SYNE1: variants seen among roughly 807,000 people sequenced by gnomAD.
SYNE1 encodes nesprin-1.
In SYNE1, 616 loss-of-function variants were observed where a neutral mutation model predicts 1,111.0. That is an observed-to-expected ratio of 0.55 (90% CI 0.52 to 0.59). The LOEUF is 0.59. SYNE1 is among the 20% of genes least tolerant of loss of function. SYNE1 has a pLI of 0.00. For synonymous variants in SYNE1, 3,855 were observed against 3,825.8 expected (o/e 1.01, Z -0.28); for missense variants, 10,006 against 10,417.0 (o/e 0.96, Z 1.72).
Position 152,391,381 on chromosome 6 carries a change from G to T in SYNE1, c.7900C>A (p.Gln2634Lys). Residue 2634 changes from glutamine to lysine, a missense_variant, in exon 52 of 146, where the codon CAA (glutamine) becomes AAA (lysine). Physicochemically the swap from Gln to Lys is moderately conservative, Grantham distance 53. Coordinates refer to ENST00000367255, the MANE Select transcript of SYNE1 (RefSeq NM_182961.4). ...GCCTTCACCCAGAACCACATGCTTT[G>T]CAGTGCTTCCTCCAGGGCTTCGTGC... ...QEHEALEEAL[Q>K]SMWFWVKAIQ... The T allele has an allele frequency of 6.2e-7, 1 of 1,613,994 alleles. No individual in the cohort carries two copies. Among genetic ancestry groups the T allele is most frequent in the Non-Finnish European group, 8.5e-7 (1 of 1,179,994 alleles).
Position 152,381,267 on chromosome 6 carries a change from A to T in SYNE1, c.8748T>A (p.Cys2916Ter). The T allele has an allele frequency of 6.2e-7, 1 of 1,614,204 alleles. No homozygotes were observed. The stretch of plus-strand genomic sequence containing the variant: ...CCTGCATCTCCGTGTGCATGAGCTC[A>T]CACCCACTGGCAGTTGTGTTCTGTT... ...EVKQNTTASG[C>*]ELMHTEMQAL... The change falls in exon 56 of 146, where the codon TGT becomes TGA. Residue 2916 changes from cysteine (C) to a stop codon, truncating the protein, a stop_gained. Coordinates refer to ENST00000367255, the MANE Select transcript of SYNE1 (RefSeq NM_182961.4). LOFTEE classifies it high-confidence loss of function.
Position 152,396,922 on chromosome 6 carries a change from CCTT to C in SYNE1, c.7406_7408del (p.Glu2469del). On this transcript the variant is annotated inframe_deletion, in exon 50 of 146. Coordinates refer to ENST00000367255, the MANE Select transcript of SYNE1 (RefSeq NM_182961.4). The stretch of plus-strand genomic sequence containing the variant: ...AGACAAATGTGCATACAAAGTTTGT[CCTT>C]CTTGAGTCACTGCATCAAGTTTGCT... 4.3e-6 allele frequency: 7 copies of C among 1,614,156 alleles called. No homozygotes were observed. The highest frequency in any genetic ancestry group is 5.1e-6 in the Non-Finnish European group (6 of 1,180,026).
chr6:152,158,606 AAT>A (rs573770651), intron 131 of SYNE1, among the ~76,000 whole-genome samples: 1 of 152,214 alleles, frequency 6.6e-6, no homozygotes, highest in Non-Finnish European at 1.5e-5. Context: ...TACATGAAAC[AAT>A]ATGTCACAGG....
intron 11 of SYNE1, among the ~76,000 whole-genome samples, chr6:152,491,997 G>A (rs1005412449): frequency 4.6e-5 from 7 of 151,840 alleles, no homozygotes; most frequent in East Asian, 1.9e-4. Flanking sequence ...CCTGCCCAAC[G>A]ATTTCCTCTT....
intron 73 of SYNE1, among the ~76,000 whole-genome samples, chr6:152,345,414 T>G (rs562066211): frequency 2.0e-5 from 3 of 152,294 alleles, no homozygotes; most frequent in South Asian, 2.1e-4. Flanking sequence ...ATTTATTAGA[T>G]TCTTGTAGTC....
intron 143 of SYNE1, among the ~76,000 whole-genome samples, 190 bp downstream of exon 143, chr6:152,133,086 C>T (rs1203280292): frequency 6.6e-6 from 1 of 152,138 alleles, no homozygotes; most frequent in Admixed American, 6.5e-5. Context: ...GAATCAAAAG[C>T]AGTGTCCTGT....
At chr6:152,511,678 G>A in intron 6 of SYNE1, 2 of 1,390,600 alleles carry the variant, frequency 1.4e-6, no homozygotes, top group South Asian at 1.2e-5. Context: ...GGAATAAAGA[G>A]GTAGGTAGTC....
chr6:152,205,805 A>G (rs2076397457), intron 126 of SYNE1, among the ~76,000 whole-genome samples: 1 of 152,196 alleles, frequency 6.6e-6, no homozygotes. Flanking sequence ...ACCAATCTTG[A>G]AAACCACTTT....
intron 16 of SYNE1, among the ~76,000 whole-genome samples, chr6:152,468,245 A>T (rs562344302): frequency 6.6e-6 from 1 of 152,316 alleles, no homozygotes; most frequent in African/African-American, 2.4e-5. Context: ...GATATTTAAA[A>T]TTAACATTGA....
chr6:152,187,970 C>G (rs2070737696), intron 128 of SYNE1, among the ~76,000 whole-genome samples: 1 of 152,204 alleles, frequency 6.6e-6, no homozygotes. Context: ...AGGTGATCCA[C>G]CCGCCTCAGC....
At position 152,450,640 on chromosome 6, in the gene SYNE1, T is replaced by C; in HGVS notation, c.3380A>G (p.Lys1127Arg). The C allele has an allele frequency of 6.2e-7, 1 of 1,614,194 alleles. No individual in the cohort carries two copies. Among genetic ancestry groups the C allele is most frequent in the African/African-American group, 1.3e-5 (1 of 75,066 alleles). The change falls in exon 27 of 146, where the codon AAG (lysine) becomes AGG (arginine). Residue 1127 changes from lysine to arginine, a missense_variant. Physicochemically the swap from Lys to Arg is conservative, Grantham distance 26. Transcript: ENST00000367255. ...RKLMEDPDKW[K>R]DYTSRFSEFS... The stretch of plus-strand genomic sequence containing the variant: ...CTGAGGCTACCTGCTAGTGTAGTCC[T>C]TCCACTTGTCTGGGTCTTCCATGAG...
At chr6:152,166,750 T>C (rs1415200357) in intron 130 of SYNE1, among the ~76,000 whole-genome samples, 2 of 152,220 alleles carry the variant, frequency 1.3e-5, no homozygotes, top group East Asian at 3.8e-4. Context: ...CAGTTCTTTT[T>C]CATTTTTTTA....
chr6:152,359,659 A>G (rs1446053073), intron 64 of SYNE1, among the ~76,000 whole-genome samples: 2 of 140,058 alleles, frequency 1.4e-5, no homozygotes, highest in Non-Finnish European at 3.1e-5. Context: ...TGTGTATTTT[A>G]TGTCTGGTCC....
At chr6:152,624,350 A>G (rs926004761) in intron 3 of SYNE1, among the ~76,000 whole-genome samples, 2 of 152,182 alleles carry the variant, frequency 1.3e-5, no homozygotes, top group Non-Finnish European at 1.5e-5. Flanking sequence ...TTCACATTTA[A>G]AATGTAGTTA....
rs2080170401 is a variant in SYNE1 at position 152,221,483 on chromosome 6, T to A, written c.21599A>T (p.Glu7200Val). The part of the protein sequence containing the change: ...FGSITNQLLK[E>V]CHPPVTETLT... ...AGTTTCTGTCACGGGTGGGTGACAC[T>A]CTTTTAATAATTGGTTGGTGATAGA... is the stretch of plus-strand genomic sequence containing the variant. Residue 7200 changes from glutamate to valine, a missense_variant, in exon 118 of 146, where the codon GAG becomes GTG. Glu to Val is a moderately radical substitution (Grantham distance 121, BLOSUM62 -2). Transcript: ENST00000367255. 1 of 1,613,894 alleles carries A rather than the reference T, an allele frequency of 6.2e-7. No individual in the cohort carries two copies. Among genetic ancestry groups the A allele is most frequent in the African/African-American group, 1.3e-5 (1 of 74,926 alleles).
rs185638917 is a variant in SYNE1 at position 152,190,697 on chromosome 6, C to T, written c.23146-1290G>A. On this transcript the variant is annotated intron_variant, in intron 127 of 145. Transcript: ENST00000367255. ...ATTTTTTGTAACCATTAACCATCCT[C>T]ATCACCCCTGCAGCCTCCATGTACC... Among the ~76,000 whole-genome samples the T allele has an allele frequency of 1.3e-3, 204 of 152,320 alleles. 1 individual carries two copies. Among genetic ancestry groups the T allele is most frequent in the African/African-American group, 4.6e-3 (191 of 41,566 alleles).
intron 61 of SYNE1, 67 bp downstream of exon 61, chr6:152,368,905 A>G: frequency 6.2e-7 from 1 of 1,608,012 alleles, no homozygotes; most frequent in Non-Finnish European, 8.5e-7. Context: ...CACCCTGCAG[A>G]ACCTGCTGCA....
At chr6:152,278,651 C>A (rs772642496) in intron 97 of SYNE1, among the ~76,000 whole-genome samples, 1 of 152,018 alleles carries the variant, frequency 6.6e-6, no homozygotes, top group Non-Finnish European at 1.5e-5. Flanking sequence ...TTAGTAGAGA[C>A]GGGGTTTCAC....
chr6:152,636,310 A>G (rs112831635), intron 2 of SYNE1, among the ~76,000 whole-genome samples: 2 of 152,072 alleles, frequency 1.3e-5, no homozygotes, highest in Non-Finnish European at 1.5e-5. Context: ...GACCATCACA[A>G]TAAGAGGCTG....
Sources: gnomAD v4.1 joint callset for allele counts (sites outside exome capture counted in the v4.1 genomes callset) on GRCh38, gnomAD v4.1.1 for gene constraint, MANE v1.5 for transcripts, NCBI Gene and HGNC (gene_info 2026-07-23, HGNC 2026-07-21) for gene names.